Variants in AFAP1L1 observed in about 807,000 individuals in gnomAD.
AFAP1L1 encodes actin filament associated protein 1 like 1, also known as actin filament-associated protein 1-like 1.
A neutral mutation model predicts 99.8 loss-of-function variants in AFAP1L1; 77 were observed. The observed-to-expected ratio is 0.77, with a 90% CI of 0.64 to 0.93. The LOEUF (loss-of-function observed/expected upper bound fraction) is 0.93. Among genes scored for constraint, AFAP1L1 ranks in the 40% least tolerant of loss-of-function variants. The probability of loss-of-function intolerance (pLI) is 0.00; values close to 1 mark genes in which losing one functional copy is unlikely to be tolerated. For missense variants in AFAP1L1, 893 were observed against 996.8 expected (o/e 0.90, Z 1.40); for synonymous variants, 373 against 395.3 (o/e 0.94, Z 0.67).
Position 149,282,464 on chromosome 5 carries a change from T to C in AFAP1L1, c.16+10480T>C, listed in dbSNP as rs113562588. On this transcript the variant is annotated intron_variant, in intron 1 of 18. Transcript: ENST00000296721. ...CGGGAGATAAGGATCCTAACCAAGT[T>C]CCTTGAATTCCCCCCTTGGGCTTCA... 4.6e-5 allele frequency among the ~76,000 whole-genome samples: 7 copies of C among 152,242 alleles called. 1 individual carries two copies. Among genetic ancestry groups the C allele is most frequent in the African/African-American group, 1.7e-4 (7 of 41,552 alleles).
chr5:149,316,073 C>T lies in AFAP1L1; in HGVS notation c.1115-78C>T, dbSNP rs1022253425. ...GCTGCAGGCCCATCCTGTATGCAGG[C>T]TGAAAAGGCCACAAGGAAGACTAAG... On this transcript the variant is annotated intron_variant, in intron 10 of 18. Transcript: ENST00000296721. 7.6e-6 allele frequency: 12 copies of T among 1,587,000 alleles called. No individual in the cohort carries two copies. In the South Asian group the frequency reaches 7.9e-5, roughly 10 times the overall value.
At chr5:149,308,901 C>T (rs980180474) in intron 7 of AFAP1L1, among the ~76,000 whole-genome samples, 1 of 151,466 alleles carries the variant, frequency 6.6e-6, no homozygotes, top group African/African-American at 2.4e-5. Context: ...TCGAAACCAG[C>T]CTGGGCAACA....
intron 15 of AFAP1L1, among the ~76,000 whole-genome samples, chr5:149,326,860 G>A (rs750581208): frequency 6.6e-5 from 10 of 152,138 alleles, no homozygotes; most frequent in African/African-American, 9.7e-5. Context: ...ACATGCCAAG[G>A]CTATGGCCTC....
At chr5:149,338,868 G>A (rs1243026735) in intron 18 of AFAP1L1, among the ~76,000 whole-genome samples, 2 of 152,200 alleles carry the variant, frequency 1.3e-5, no homozygotes, top group Non-Finnish European at 2.9e-5. Flanking sequence ...AGAGAGAAGA[G>A]CAAGTGTCAA....
intron 15 of AFAP1L1, among the ~76,000 whole-genome samples, chr5:149,325,351 C>T (rs943325307): frequency 1.3e-5 from 2 of 152,188 alleles, no homozygotes; most frequent in Non-Finnish European, 2.9e-5. Context: ...TCAAGGGCTA[C>T]AGTATCTCCC....
At chr5:149,300,181 G>A (rs1756151862) in intron 2 of AFAP1L1, 90 bp from the exon 3 acceptor site, 1 of 841,592 alleles carries the variant, frequency 1.2e-6, no homozygotes, top group Non-Finnish European at 1.8e-6. Context: ...AGTGAGCACT[G>A]TGTCCCATGT....
chr5:149,281,801 A>T (rs770090583), intron 1 of AFAP1L1, among the ~76,000 whole-genome samples: 2 of 152,154 alleles, frequency 1.3e-5, no homozygotes, highest in African/African-American at 4.8e-5. Context: ...GCTAGTTAAG[A>T]TGGGCTGACT....
chr5:149,316,134 A>T lies in AFAP1L1; in HGVS notation c.1115-17A>T. 1 of 1,611,098 alleles carries T rather than the reference A, an allele frequency of 6.2e-7. No individual in the cohort carries two copies. Among genetic ancestry groups the T allele is most frequent in the African/African-American group, 1.3e-5 (1 of 74,950 alleles). ...ACTCAGGGCTCCCTCCACTCCCCTGACCCATTTCCCCAACAGGCAAAGGGA... is the reference window on the plus strand; with the variant it reads ...ACTCAGGGCTCCCTCCACTCCCCTGTCCCATTTCCCCAACAGGCAAAGGGA... On this transcript the variant is annotated splice_polypyrimidine_tract_variant and intron_variant, in intron 10 of 18. Coordinates refer to ENST00000296721, the MANE Select transcript of AFAP1L1 (RefSeq NM_152406.4).
chr5:149,279,796 G>T (rs1755457470), intron 1 of AFAP1L1, among the ~76,000 whole-genome samples: 1 of 152,112 alleles, frequency 6.6e-6, no homozygotes, highest in African/African-American at 2.4e-5. Context: ...AATATTTTGT[G>T]CCTTCACCTG....
chr5:149,336,372 A>G (rs1056547847), intron 18 of AFAP1L1, among the ~76,000 whole-genome samples: 5 of 152,274 alleles, frequency 3.3e-5, no homozygotes, highest in Non-Finnish European at 7.3e-5. Context: ...AGTCTATACC[A>G]AAACAATGGA....
At position 149,301,357 on chromosome 5, in the gene AFAP1L1, G is replaced by A. The variant is rs975936724; in HGVS notation, c.327+127G>A. 5 of 732,864 alleles carry A rather than the reference G, an allele frequency of 6.8e-6. No individual in the cohort carries two copies. In the African/African-American group the frequency reaches 7.0e-5, roughly 10 times the overall value. The allele number at this position is 732,864 out of a possible 1,614,324, so 45.4% of individuals were successfully genotyped here. A position where few individuals can be genotyped will look rare whatever the true frequency, so the allele number is the denominator to read the frequency against. On this transcript the variant is annotated intron_variant, in intron 4 of 18. Coordinates refer to ENST00000296721, the MANE Select transcript of AFAP1L1 (RefSeq NM_152406.4). ...GACCCTGTTGTCTCTCTCGGGTTGT[G>A]GGTGAGGGCACAGGCAGCACCATGT...
intron 15 of AFAP1L1, among the ~76,000 whole-genome samples, chr5:149,327,866 T>G (rs1449909638): frequency 6.6e-6 from 1 of 152,096 alleles, no homozygotes; most frequent in African/African-American, 2.4e-5. Flanking sequence ...GACAGACAGA[T>G]GAGCATAAAA....
At chr5:149,316,003 C>T in intron 10 of AFAP1L1, 89 bp downstream of exon 10, 1 of 1,586,100 alleles carries the variant, frequency 6.3e-7, no homozygotes, top group South Asian at 1.1e-5. Flanking sequence ...AGGTTCTGAC[C>T]ATTCTGTAGA....
At chr5:149,309,321 T>C (rs1756536630) in intron 7 of AFAP1L1, among the ~76,000 whole-genome samples, 1 of 152,186 alleles carries the variant, frequency 6.6e-6, no homozygotes, top group Non-Finnish European at 1.5e-5. Context: ...AATAATACAG[T>C]TGATCTTTGA....
chr5:149,323,125 A>G (rs1434506990), intron 15 of AFAP1L1, among the ~76,000 whole-genome samples: 1 of 151,500 alleles, frequency 6.6e-6, no homozygotes, highest in African/African-American at 2.4e-5. Flanking sequence ...ATCAGCAACT[A>G]TTTTTTTTTA....
chr5:149,298,445 G>T (rs369921444), intron 1 of AFAP1L1, among the ~76,000 whole-genome samples: 1 of 152,170 alleles, frequency 6.6e-6, no homozygotes, highest in Admixed American at 6.5e-5. Flanking sequence ...TCTGCTAGCT[G>T]TGTGATCCTG....
rs368630296 is a variant in AFAP1L1 at position 149,277,899 on chromosome 5, C to A, written c.16+5915C>A. Among the ~76,000 whole-genome samples, 5 of 152,298 alleles carry A rather than the reference C, an allele frequency of 3.3e-5. No individual in the cohort carries two copies. The East Asian group carries it at 7.7e-4, about 24-fold the overall frequency. On this transcript the variant is annotated intron_variant, in intron 1 of 18. Coordinates refer to ENST00000296721, the MANE Select transcript of AFAP1L1 (RefSeq NM_152406.4). ...TTAACTCTGTTCCCTATGGAGGCTT[C>A]TCCTGGTCACTGGGCACTGCTTCCA...
intron 1 of AFAP1L1, among the ~76,000 whole-genome samples, chr5:149,275,442 T>C (rs1226748603): frequency 6.6e-6 from 1 of 150,788 alleles, no homozygotes; most frequent in East Asian, 2.0e-4. Flanking sequence ...ATCTCTGGTG[T>C]TTCTTCTTCT....
Position 149,343,498 on chromosome 5 carries a change from A to G in AFAP1L1, c.*3468A>G, listed in dbSNP as rs1757615057. On this transcript the variant is annotated 3_prime_UTR_variant, in exon 19 of 19. Transcript: ENST00000296721. Reference sequence around the variant, plus strand: ...ACTATCCAACTTAATTAAGTCATTCAACAAATACTTGAGTACCTACTATAC... The same window carrying G: ...ACTATCCAACTTAATTAAGTCATTCGACAAATACTTGAGTACCTACTATAC... 6.6e-6 allele frequency among the ~76,000 whole-genome samples: 1 copy of G among 152,178 alleles called. No individual in the cohort carries two copies. Among genetic ancestry groups the G allele is most frequent in the African/African-American group, 2.4e-5 (1 of 41,448 alleles).
Sources: gnomAD v4.1 joint callset for allele counts (sites outside exome capture counted in the v4.1 genomes callset) on GRCh38, gnomAD v4.1.1 for gene constraint, MANE v1.5 for transcripts, NCBI Gene and HGNC (gene_info 2026-07-23, HGNC 2026-07-21) for gene names.